Variants in TMEM222 observed in about 807,000 individuals in gnomAD.
TMEM222 encodes chromosome 1 open reading frame 160.
In TMEM222, 18 loss-of-function variants were observed where a neutral mutation model predicts 25.1. The ratio of observed to expected loss-of-function variants is 0.72; its 90% confidence interval spans 0.50 to 1.06. The LOEUF is 1.06. Among genes scored for constraint, TMEM222 ranks in the 50% least tolerant of loss-of-function variants. The pLI is 0.00. For synonymous variants in TMEM222, 131 were observed against 117.9 expected, an observed-to-expected ratio of 1.11 and a Z score of -0.72; for missense variants, 296 against 293.7, an observed-to-expected ratio of 1.01 and a Z score of -0.06.
At chr1:27,323,767 C>T (rs902660431) in intron 1 of TMEM222, among the ~76,000 whole-genome samples, 3 of 152,116 alleles carry the variant, frequency 2.0e-5, no homozygotes, top group Non-Finnish European at 2.9e-5. Flanking sequence ...AGTGAAACTC[C>T]GTCTCAAAAT....
chr1:27,331,951 T>G, intron 2 of TMEM222, 119 bp from the exon 3 acceptor site: 1 of 840,340 alleles, frequency 1.2e-6, no homozygotes. Flanking sequence ...GCCCCACTTC[T>G]GGCCCCCCCA....
At chr1:27,332,834 G>T in intron 3 of TMEM222, 1 of 390,920 alleles carries the variant, frequency 2.6e-6, no homozygotes, top group Non-Finnish European at 4.8e-6. Flanking sequence ...CCAGGTGTTC[G>T]CTGCCAGACT....
intron 1 of TMEM222, among the ~76,000 whole-genome samples, chr1:27,329,977 C>T (rs562988777): frequency 6.6e-5 from 10 of 152,328 alleles, no homozygotes; most frequent in Non-Finnish European, 2.9e-5. Flanking sequence ...TGGTGCACTC[C>T]TGTAGTCCCA....
At chr1:27,327,204 C>G (rs2014371746) in intron 1 of TMEM222, among the ~76,000 whole-genome samples, 1 of 152,058 alleles carries the variant, frequency 6.6e-6, no homozygotes, top group African/African-American at 2.4e-5. Flanking sequence ...AAGGCAGAGT[C>G]CTAGGCACTG....
In TMEM222 at chr1:27,335,853, G is replaced by A. The variant is rs565881846; in HGVS notation, c.*387G>A. The A allele has an allele frequency of 3.9e-6, 1 of 259,408 alleles. No homozygotes were observed. The highest frequency in any genetic ancestry group is 4.7e-5 in the Admixed American group (1 of 21,438). 16.1% of individuals were successfully genotyped at this position (259,408 alleles called of 1,614,324 possible). The stretch of plus-strand genomic sequence containing the variant: ...ACCTGTCAAGGTGGCCCTGGGACCA[G>A]AGCTGGTCCCAGCATGGGGTGCACC... On this transcript the variant is annotated 3_prime_UTR_variant, in exon 6 of 6. Transcript: ENST00000374076.
At position 27,332,187 on chromosome 1, in the gene TMEM222, C is replaced by T. The variant is rs373168117; in HGVS notation, c.311+86C>T. The T allele has an allele frequency of 1.6e-5, 24 of 1,491,868 alleles. No homozygotes were observed. In the African/African-American group the frequency reaches 2.5e-4, roughly 15 times the overall value. The allele number at this position is 1,491,868 out of a possible 1,614,324, so 92.4% of individuals were successfully genotyped here. ...CAGGCCTTCTGGGGCACAGGAGGGG[C>T]CAGCACCCTGAGAATAGAGTATTTG... On this transcript the variant is annotated intron_variant, in intron 3 of 5. Transcript: ENST00000374076.
At chr1:27,333,627 ATCACCC>A in intron 3 of TMEM222, 1 of 407,156 alleles carries the variant, frequency 2.5e-6, no homozygotes, top group South Asian at 1.9e-5. Flanking sequence ...ATGAGAGCTA[ATCACCC>A]CATGGCCTAA....
At chr1:27,330,897 C>G in intron 2 of TMEM222, 93 bp downstream of exon 2, 1 of 1,591,906 alleles carries the variant, frequency 6.3e-7, no homozygotes, top group Non-Finnish European at 8.6e-7. Context: ...TCCCCAGACC[C>G]AGGAGAACGT....
intron 1 of TMEM222, among the ~76,000 whole-genome samples, chr1:27,324,602 A>C (rs374366252): frequency 6.6e-6 from 1 of 152,212 alleles, no homozygotes; most frequent in African/African-American, 2.4e-5. Flanking sequence ...CAAAGGGTTC[A>C]TGTTCCCTTC....
At chr1:27,331,017 T>A in intron 2 of TMEM222, 3 of 1,457,058 alleles carry the variant, frequency 2.1e-6, no homozygotes, top group Non-Finnish European at 2.7e-6. Context: ...GCCAGAAGGA[T>A]TCTTAAGTAA....
chr1:27,334,438 C>T, intron 5 of TMEM222, 157 bp downstream of exon 5: 4 of 1,305,628 alleles, frequency 3.1e-6, no homozygotes, highest in Non-Finnish European at 4.1e-6. Flanking sequence ...AGCTGAGGGC[C>T]TGATGGAGAG....
chr1:27,326,846 T>C (rs909647693), intron 1 of TMEM222, among the ~76,000 whole-genome samples: 1 of 152,130 alleles, frequency 6.6e-6, no homozygotes, highest in African/African-American at 2.4e-5. Flanking sequence ...ACAAAGCGGC[T>C]CTGGAGCTGC....
In TMEM222 at chr1:27,333,953, C is replaced by G. The variant is rs199641524; in HGVS notation, c.312-5C>G. On this transcript the variant is annotated splice_polypyrimidine_tract_variant and splice_region_variant and intron_variant, in intron 3 of 5. Transcript: ENST00000374076. ...CAAGTGTCCAGAGCCCTTCTCTCCC[C>G]CCAGGTACTGGAAGTTGGACCCTGC... 1 of 1,613,352 alleles carries G rather than the reference C, an allele frequency of 6.2e-7. No individual in the cohort carries two copies. Among genetic ancestry groups the G allele is most frequent in the Non-Finnish European group, 8.5e-7 (1 of 1,179,510 alleles).
At position 27,334,048 on chromosome 1, in the gene TMEM222, C is replaced by T. The variant is rs777516486; in HGVS notation, c.402C>T (p.His134=). Residue 134 remains histidine (H), a synonymous_variant, in exon 4 of 6, where the codon CAC becomes CAT. Transcript: ENST00000374076. ...AVHDASEEYK[H]RMHNLCCDNC... is the part of the protein sequence containing the mutation. ...ACGACGCCTCTGAGGAGTACAAGCA[C>T]CGCATGGTAGGTGGGCCAGGGCGGC... The T allele has an allele frequency of 3.1e-6, 5 of 1,614,170 alleles. No homozygotes were observed. In the South Asian group the frequency reaches 4.4e-5, roughly 14 times the overall value.
rs2014591649 is a variant in TMEM222, at chr1:27,335,762, C to T, written c.*296C>T. 2.3e-6 allele frequency: 1 copy of T among 444,196 alleles called. No individual in the cohort carries two copies. The highest frequency in any genetic ancestry group is 4.2e-6 in the Non-Finnish European group (1 of 240,044). 27.5% of individuals were successfully genotyped at this position (444,196 alleles called of 1,614,324 possible). On this transcript the variant is annotated 3_prime_UTR_variant, in exon 6 of 6. Coordinates refer to ENST00000374076, the MANE Select transcript of TMEM222 (RefSeq NM_032125.3). ...GCTTCCCGCTGTAGAGCTGCTCCCG[C>T]CACCACCTGCTGGGGTCCTGCCTCA...
intron 2 of TMEM222, 104 bp from the exon 3 acceptor site, chr1:27,331,966 T>G: frequency 2.4e-5 from 16 of 670,178 alleles, no homozygotes; most frequent in Non-Finnish European, 3.4e-5. Flanking sequence ...CCCCCACCCC[T>G]GACATACCCT....
At chr1:27,334,699 G>A (rs1341497616) in intron 5 of TMEM222, 10 of 1,362,948 alleles carry the variant, frequency 7.3e-6, no homozygotes, top group South Asian at 2.6e-5. Context: ...TGAGTGAGTC[G>A]CCCATGGTCG....
At chr1:27,335,161 G>A (rs56931919) in intron 5 of TMEM222, 11,596 of 585,524 alleles carry the variant, frequency 0.02, 1,058 homozygotes, top group African/African-American at 0.19. Flanking sequence ...CACCAGGAGC[G>A]CGGAGCAGCC....
chr1:27,336,302 G>GT lies in TMEM222; in HGVS notation c.*838dup, dbSNP rs1450778150. 1 of 152,074 alleles carries GT rather than the reference G, an allele frequency of 6.6e-6. No individual in the cohort carries two copies. Among genetic ancestry groups the GT allele is most frequent in the African/African-American group, 2.4e-5 (1 of 41,194 alleles). 9.4% of individuals were successfully genotyped at this position (152,074 alleles called of 1,614,324 possible). A position where few individuals can be genotyped will look rare whatever the true frequency, so the allele number is the denominator to read the frequency against. Reference sequence around the variant, plus strand: ...CACCTAACTCCAGCTCCCCCTTCACGTTGTCACCAAGGCCCTGTGCCGCCC... The same window carrying GT: ...CACCTAACTCCAGCTCCCCCTTCACGTTTGTCACCAAGGCCCTGTGCCGCCC... On this transcript the variant is annotated 3_prime_UTR_variant, in exon 6 of 6. Transcript: ENST00000374076.
Sources: allele counts gnomAD v4.1 joint callset (sites outside exome capture counted in the v4.1 genomes callset), GRCh38; gene constraint gnomAD v4.1.1; transcripts MANE v1.5; gene names NCBI Gene and HGNC (gene_info 2026-07-23, HGNC 2026-07-21).